FGD4: variants seen among roughly 807,000 people sequenced by gnomAD.
FGD4 encodes the protein FYVE, RhoGEF and PH domain containing 4.
In FGD4, 42 loss-of-function variants were observed where a neutral mutation model predicts 102.0. That is an observed-to-expected ratio of 0.41 (90% confidence interval 0.32 to 0.53). FGD4 has a LOEUF of 0.53. Among genes scored for constraint, FGD4 ranks in the 20% least tolerant of loss-of-function variants. FGD4 has a pLI of 0.21. For synonymous variants in FGD4, 380 were observed against 375.7 expected, an observed-to-expected ratio of 1.01 and a Z score of -0.13; for missense variants, 902 against 1,078.2, an observed-to-expected ratio of 0.84 and a Z score of 2.29.
rs533786317 is a variant in FGD4 at position 32,611,686 on chromosome 12, G to A, written c.1749+403G>A. Among the ~76,000 whole-genome samples, 89 of 152,356 alleles carry A rather than the reference G, an allele frequency of 5.8e-4. No homozygotes were observed. The South Asian group carries it at 0.018, about 31-fold the overall frequency. On this transcript the variant is annotated intron_variant, in intron 10 of 16. Coordinates refer to ENST00000534526, the MANE Select transcript of FGD4 (RefSeq NM_001370298.3). Reference sequence around the variant, plus strand: ...AAGCAATTACATCTAACCTGGTTTAGTCAACATTCCATTTAGGGAATATTC... The same window carrying A: ...AAGCAATTACATCTAACCTGGTTTAATCAACATTCCATTTAGGGAATATTC...
intron 2 of FGD4, among the ~76,000 whole-genome samples, chr12:32,574,005 T>C (rs1424490651): frequency 1.3e-5 from 2 of 152,252 alleles, no homozygotes; most frequent in East Asian, 3.8e-4. Flanking sequence ...AGCTTTATTA[T>C]TTAATCGTAC....
At chr12:32,590,953 T>C (rs1328905373) in intron 4 of FGD4, among the ~76,000 whole-genome samples, 2 of 152,226 alleles carry the variant, frequency 1.3e-5, no homozygotes, top group Non-Finnish European at 2.9e-5. Context: ...GTCCTTGTGA[T>C]CTAATTTTAA....
At chr12:32,481,303 A>G (rs1315674201) in intron 1 of FGD4, among the ~76,000 whole-genome samples, 1 of 151,904 alleles carries the variant, frequency 6.6e-6, no homozygotes, top group Non-Finnish European at 1.5e-5. Flanking sequence ...TGGCCATACA[A>G]AAATTAGCTG....
intron 1 of FGD4, among the ~76,000 whole-genome samples, chr12:32,447,005 G>T (rs1191281482): frequency 6.6e-6 from 1 of 152,130 alleles, no homozygotes; most frequent in Non-Finnish European, 1.5e-5. Flanking sequence ...AAATGTTCCA[G>T]GTAACAAAAG....
At chr12:32,536,475 C>A (rs1397825978) in intron 1 of FGD4, among the ~76,000 whole-genome samples, 1 of 152,170 alleles carries the variant, frequency 6.6e-6, no homozygotes, top group Non-Finnish European at 1.5e-5. Flanking sequence ...CTTCTGATAA[C>A]CTTTACTGTA....
intron 1 of FGD4, among the ~76,000 whole-genome samples, chr12:32,465,392 G>C (rs1357139895): frequency 6.6e-6 from 1 of 152,088 alleles, no homozygotes; most frequent in Non-Finnish European, 1.5e-5. Context: ...GAAAGAGGCT[G>C]GGTGCGGTGG....
intron 1 of FGD4, among the ~76,000 whole-genome samples, chr12:32,438,249 C>G (rs1161558367): frequency 6.6e-6 from 1 of 152,160 alleles, no homozygotes; most frequent in African/African-American, 2.4e-5. Flanking sequence ...TCTCACTTGC[C>G]TTATTGAAAT....
Position 32,579,299 on chromosome 12 carries a change from C to T in FGD4, c.504-2661C>T, listed in dbSNP as rs1473543623. Among the ~76,000 whole-genome samples, 3 of 152,080 alleles carry T rather than the reference C, an allele frequency of 2.0e-5. No individual in the cohort carries two copies. The East Asian group carries it at 5.8e-4, about 29-fold the overall frequency. ...CCTCAGGTGATCTGCCCGCCTTGGC[C>T]TCCCAAAGTGCTGGGATTACCGGCG... On this transcript the variant is annotated intron_variant, in intron 3 of 16. Coordinates refer to ENST00000534526, the MANE Select transcript of FGD4 (RefSeq NM_001370298.3).
chr12:32,422,321 CAG>C (rs1161472836), intron 1 of FGD4, among the ~76,000 whole-genome samples: 3 of 49,644 alleles, frequency 6.0e-5, no homozygotes, highest in African/African-American at 2.2e-4. Context: ...TTTTTTGAGA[CAG>C]AGTCTCGCTT....
At chr12:32,549,272 C>G (rs1256448668) in intron 1 of FGD4, among the ~76,000 whole-genome samples, 1 of 152,194 alleles carries the variant, frequency 6.6e-6, no homozygotes, top group Non-Finnish European at 1.5e-5. Flanking sequence ...ATCCTCTTGT[C>G]AGAGTAGCAC....
At chr12:32,541,660 G>A (rs912790827) in intron 1 of FGD4, among the ~76,000 whole-genome samples, 3 of 152,096 alleles carry the variant, frequency 2.0e-5, no homozygotes, top group Non-Finnish European at 2.9e-5. Flanking sequence ...CACCGTGCCC[G>A]GCCAGTAATA....
At chr12:32,511,565 G>A (rs1189076170) in intron 1 of FGD4, among the ~76,000 whole-genome samples, 1 of 152,108 alleles carries the variant, frequency 6.6e-6, no homozygotes, top group African/African-American at 2.4e-5. Flanking sequence ...GCCTCCCAAA[G>A]TACTGGGATT....
intron 1 of FGD4, among the ~76,000 whole-genome samples, chr12:32,451,753 A>G (rs962148498): frequency 2.0e-5 from 3 of 150,658 alleles, no homozygotes; most frequent in Admixed American, 6.6e-5. Context: ...CTAAAAACAC[A>G]AAAAATTAGC....
intron 1 of FGD4, among the ~76,000 whole-genome samples, chr12:32,422,258 T>G (rs574241869): frequency 7.1e-6 from 1 of 141,544 alleles, no homozygotes; most frequent in African/African-American, 2.7e-5. Flanking sequence ...CATTTTTTTT[T>G]CACATTGAAG....
intron 10 of FGD4, among the ~76,000 whole-genome samples, chr12:32,612,557 A>G (rs1949209592): frequency 6.6e-6 from 1 of 152,206 alleles, no homozygotes; most frequent in Non-Finnish European, 1.5e-5. Flanking sequence ...ATTTAACTTT[A>G]CACACGTGGG....
At chr12:32,627,803 A>T (rs897970366) in intron 14 of FGD4, among the ~76,000 whole-genome samples, 9 of 152,222 alleles carry the variant, frequency 5.9e-5, no homozygotes, top group South Asian at 4.1e-4. Flanking sequence ...CAGAGAGTTA[A>T]TAATGAATAA....
At chr12:32,537,561 C>CCCTA (rs1423851391) in intron 1 of FGD4, among the ~76,000 whole-genome samples, 1 of 152,184 alleles carries the variant, frequency 6.6e-6, no homozygotes, top group African/African-American at 2.4e-5. Context: ...ATGTGCAAGG[C>CCCTA]CCTACCTTCT....
At chr12:32,562,557 C>T (rs1163278545) in intron 1 of FGD4, among the ~76,000 whole-genome samples, 1 of 152,108 alleles carries the variant, frequency 6.6e-6, no homozygotes, top group African/African-American at 2.4e-5. Context: ...GAGGACCCTG[C>T]GGCCTTCCGC....
chr12:32,443,534 G>GTGT (rs1942514344), intron 1 of FGD4, among the ~76,000 whole-genome samples: 2 of 118,360 alleles, frequency 1.7e-5, no homozygotes, highest in African/African-American at 6.2e-5. Flanking sequence ...TGTGTTTTAG[G>GTGT]TTTTTTTTTT....
Sources: gnomAD v4.1 joint callset for allele counts (sites outside exome capture counted in the v4.1 genomes callset) on GRCh38, gnomAD v4.1.1 for gene constraint, MANE v1.5 for transcripts, NCBI Gene and HGNC (gene_info 2026-07-23, HGNC 2026-07-21) for gene names.